ATRNL1: variants seen among roughly 807,000 people sequenced by gnomAD.
ATRNL1 encodes attractin like 1, also known as attractin-like protein 1.
ATRNL1 carries 95 observed loss-of-function variants against 182.7 expected under a neutral mutation model. That is an observed-to-expected ratio of 0.52 (90% CI 0.44 to 0.62). ATRNL1 has a LOEUF of 0.62. Ranked by LOEUF, ATRNL1 falls within the 20% of genes least tolerant of loss-of-function variation. The pLI is 0.00. For synonymous variants in ATRNL1, 576 were observed against 568.3 expected (o/e 1.01, Z -0.19); for missense variants, 1,471 against 1,679.5 (o/e 0.88, Z 2.17).
chr10:115,613,243 A>G (rs1857255634), intron 26 of ATRNL1, among the ~76,000 whole-genome samples: 1 of 152,170 alleles, frequency 6.6e-6, no homozygotes, highest in African/African-American at 2.4e-5. Flanking sequence ...CAACAAAGAG[A>G]TACTGATCTT....
At chr10:115,608,094 C>T (rs1308591013) in intron 26 of ATRNL1, among the ~76,000 whole-genome samples, 3 of 152,068 alleles carry the variant, frequency 2.0e-5, no homozygotes, top group East Asian at 1.9e-4. Flanking sequence ...CCAATTACAG[C>T]CCACCTTTAT....
At chr10:115,435,108 G>A (rs1256309491) in intron 21 of ATRNL1, among the ~76,000 whole-genome samples, 3 of 145,838 alleles carry the variant, frequency 2.1e-5, no homozygotes, top group African/African-American at 7.7e-5. Context: ...TGCAAGCTCC[G>A]CCTCCTGGGT....
intron 26 of ATRNL1, among the ~76,000 whole-genome samples, chr10:115,578,472 G>A (rs1854864284): frequency 6.6e-6 from 1 of 151,488 alleles, no homozygotes; most frequent in South Asian, 2.1e-4. Flanking sequence ...TCTCTGTTCA[G>A]TCTTTATATG....
At chr10:115,649,371 A>T (rs1859837201) in intron 26 of ATRNL1, among the ~76,000 whole-genome samples, 1 of 152,076 alleles carries the variant, frequency 6.6e-6, no homozygotes, top group South Asian at 2.1e-4. Context: ...GCCTTCCTTA[A>T]TTATTCTAGC....
intron 9 of ATRNL1, among the ~76,000 whole-genome samples, chr10:115,222,882 A>G (rs781908046): frequency 7.9e-5 from 12 of 152,216 alleles, no homozygotes; most frequent in East Asian, 3.8e-4. Context: ...CTAAATGACT[A>G]TCATATAAAG....
intron 26 of ATRNL1, among the ~76,000 whole-genome samples, chr10:115,630,869 C>T (rs1002309609): frequency 7.5e-6 from 1 of 132,506 alleles, no homozygotes; most frequent in Admixed American, 8.1e-5. Flanking sequence ...CACACACACA[C>T]ACACATTGGA....
intron 19 of ATRNL1, among the ~76,000 whole-genome samples, chr10:115,393,503 A>T (rs1844135222): frequency 6.6e-6 from 1 of 152,100 alleles, no homozygotes. Context: ...ATATCATTTC[A>T]TTTTTGTCAA....
chr10:115,655,106 A>G (rs1860251348), intron 26 of ATRNL1, among the ~76,000 whole-genome samples: 1 of 152,204 alleles, frequency 6.6e-6, no homozygotes, highest in Admixed American at 6.5e-5. Flanking sequence ...ATGTGAATCC[A>G]TCTTGGAAGT....
chr10:115,458,810 G>C (rs1847654643), intron 21 of ATRNL1, among the ~76,000 whole-genome samples: 1 of 152,074 alleles, frequency 6.6e-6, no homozygotes, highest in Non-Finnish European at 1.5e-5. Context: ...TGTGGAAATA[G>C]TTTTGAAGTG....
chr10:115,131,936 A>AT (rs1269527402), intron 5 of ATRNL1, among the ~76,000 whole-genome samples: 7 of 151,936 alleles, frequency 4.6e-5, no homozygotes, highest in South Asian at 2.1e-4. Context: ...TTTTATTTTT[A>AT]TTTTTTTATT....
At chr10:115,231,315 T>C (rs1183227403) in intron 9 of ATRNL1, among the ~76,000 whole-genome samples, 1 of 151,978 alleles carries the variant, frequency 6.6e-6, no homozygotes, top group Non-Finnish European at 1.5e-5. Context: ...AATATGAGGA[T>C]TGAGTAATGG....
In ATRNL1 at chr10:115,281,363, G is replaced by T; in HGVS notation, c.2109G>T (p.Lys703Asn). The stretch of plus-strand genomic sequence containing the variant: ...CTCTTTTAATTTTGTAGTCTGTCAA[G>T]AACTACACCAAATGTCATGTGAGAA... ...SANSNCSMSV[K>N]NYTKCHVRNE... The change falls in exon 14 of 29, where the codon AAG (lysine) becomes AAT (asparagine). Residue 703 changes from lysine to asparagine, a missense_variant. Around this residue, in one of 3 missense-constraint regions of ATRNL1, gnomAD observed 1,031 missense variants for 1,156.0 expected, o/e 0.89. Transcript: ENST00000355044. 6.2e-7 allele frequency: 1 copy of T among 1,611,674 alleles called. No individual in the cohort carries two copies. Among genetic ancestry groups the T allele is most frequent in the South Asian group, 1.1e-5 (1 of 90,700 alleles).
chr10:115,182,002 A>G (rs1847765805), intron 8 of ATRNL1, among the ~76,000 whole-genome samples: 1 of 151,670 alleles, frequency 6.6e-6, no homozygotes, highest in African/African-American at 2.4e-5. Context: ...ACTAAATCTC[A>G]GACTATGGAT....
intron 26 of ATRNL1, among the ~76,000 whole-genome samples, chr10:115,698,726 T>G (rs11197410): frequency 1.3e-5 from 2 of 151,192 alleles, no homozygotes; most frequent in South Asian, 4.2e-4. Context: ...TGCAGTGAGC[T>G]GAGATGGTAC....
At chr10:115,623,680 C>T (rs530438481) in intron 26 of ATRNL1, among the ~76,000 whole-genome samples, 1 of 151,578 alleles carries the variant, frequency 6.6e-6, no homozygotes, top group Admixed American at 6.6e-5. Context: ...AAACAAATAC[C>T]ACAATCAGTT....
intron 19 of ATRNL1, among the ~76,000 whole-genome samples, chr10:115,393,958 A>C (rs965244318): frequency 6.6e-5 from 10 of 152,180 alleles, no homozygotes; most frequent in Admixed American, 2.0e-4. Flanking sequence ...AGTACTCTAA[A>C]AGGATGATCT....
At chr10:115,205,083 T>C (rs113451730) in intron 8 of ATRNL1, among the ~76,000 whole-genome samples, 24 of 152,210 alleles carry the variant, frequency 1.6e-4, no homozygotes, top group African/African-American at 5.5e-4. Flanking sequence ...ACGATTTATA[T>C]ATTTTATTGT....
chr10:115,247,262 A>T (rs925208094), intron 10 of ATRNL1, among the ~76,000 whole-genome samples: 57 of 152,312 alleles, frequency 3.7e-4, no homozygotes, highest in Admixed American at 2.0e-3. Flanking sequence ...TATTCATCTG[A>T]TGGGGGATTA....
chr10:115,228,986 C>T (rs1241380466), intron 9 of ATRNL1, among the ~76,000 whole-genome samples: 3 of 151,772 alleles, frequency 2.0e-5, no homozygotes, highest in Admixed American at 6.6e-5. Flanking sequence ...AGGCTGGTCT[C>T]GAACTCCTGG....
Sources: allele counts gnomAD v4.1 joint callset (sites outside exome capture counted in the v4.1 genomes callset), GRCh38; gene constraint gnomAD v4.1.1; regional missense constraint gnomAD v4.1.1; transcripts MANE v1.5; gene names NCBI Gene and HGNC (gene_info 2026-07-23, HGNC 2026-07-21).